LUZP2: variants seen among roughly 807,000 people sequenced by gnomAD.
The protein encoded by LUZP2 is leucine zipper protein 2.
A neutral mutation model predicts 51.6 loss-of-function variants in LUZP2; 52 were observed. The ratio of observed to expected loss-of-function variants is 1.01; its 90% CI spans 0.81 to 1.27. LUZP2 has a LOEUF of 1.27. Ranked by LOEUF, LUZP2 falls within the 50% of genes most tolerant of loss-of-function variation. LUZP2 has a pLI of 0.00. For synonymous variants in LUZP2, 154 were observed against 137.3 expected (o/e 1.12, Z -0.85); for missense variants, 436 against 395.4 (o/e 1.10, Z -0.87).
chr11:25,075,352 G>A (rs1215158634), intron 10 of LUZP2, among the ~76,000 whole-genome samples: 1 of 152,138 alleles, frequency 6.6e-6, no homozygotes, highest in Non-Finnish European at 1.5e-5. Context: ...AACCAATTGT[G>A]TATAAAATGT....
chr11:24,784,533 A>T (rs1354340407), intron 5 of LUZP2, among the ~76,000 whole-genome samples: 3 of 152,004 alleles, frequency 2.0e-5, no homozygotes. Context: ...TTCTTTTCAA[A>T]AACAAGATGT....
At chr11:24,928,265 G>T (rs1201167892) in intron 7 of LUZP2, among the ~76,000 whole-genome samples, 2 of 151,942 alleles carry the variant, frequency 1.3e-5, no homozygotes, top group African/African-American at 4.8e-5. Flanking sequence ...AGAACTTCCA[G>T]TACTATGTTC....
intron 7 of LUZP2, among the ~76,000 whole-genome samples, chr11:24,954,935 T>C: frequency 6.6e-6 from 1 of 151,984 alleles, no homozygotes; most frequent in East Asian, 1.9e-4. Flanking sequence ...AAGAATAGGG[T>C]ACCAAATAAT....
At chr11:24,592,870 G>T (rs1853308001) in intron 1 of LUZP2, among the ~76,000 whole-genome samples, 1 of 152,078 alleles carries the variant, frequency 6.6e-6, no homozygotes, top group Admixed American at 6.6e-5. Context: ...AAGAACAAAG[G>T]CCAGTCTTTA....
intron 1 of LUZP2, among the ~76,000 whole-genome samples, chr11:24,553,525 G>A (rs1481381002): frequency 6.6e-6 from 1 of 151,920 alleles, no homozygotes; most frequent in Admixed American, 6.6e-5. Context: ...GAATAGAAGG[G>A]TATATATATA....
chr11:24,681,044 C>T (rs1856719293), intron 1 of LUZP2, among the ~76,000 whole-genome samples: 1 of 149,740 alleles, frequency 6.7e-6, no homozygotes, highest in South Asian at 2.1e-4. Flanking sequence ...TGCAGTGGCG[C>T]AATCTCGGCT....
At chr11:24,737,499 A>C (rs1338441241) in intron 3 of LUZP2, among the ~76,000 whole-genome samples, 1 of 146,638 alleles carries the variant, frequency 6.8e-6, no homozygotes. Flanking sequence ...TGATAGCTCG[A>C]GTAAAAAAAA....
At position 24,909,678 on chromosome 11, in the gene LUZP2, T is replaced by C. The variant is rs150352959; in HGVS notation, c.459+3625T>C. Among the ~76,000 whole-genome samples the C allele has an allele frequency of 6.4e-3, 967 of 152,258 alleles. 11 individuals carry two copies. The highest frequency in any genetic ancestry group is 0.032 in the South Asian group (153 of 4,824). The stretch of plus-strand genomic sequence containing the variant: ...CAGCAGCACAAAATAATGATAACCA[T>C]GTAAAGCAGAATTATCTTAGAGGGC... On this transcript the variant is annotated intron_variant, in intron 6 of 11. Coordinates refer to ENST00000336930, the MANE Select transcript of LUZP2 (RefSeq NM_001009909.4).
chr11:25,004,559 A>C lies in LUZP2; in HGVS notation c.765+21266A>C, dbSNP rs533490283. 1.7e-3 allele frequency among the ~76,000 whole-genome samples: 252 copies of C among 152,284 alleles called. 1 individual carries two copies. The highest frequency in any genetic ancestry group is 3.0e-3 in the Non-Finnish European group (203 of 68,036). On this transcript the variant is annotated intron_variant, in intron 9 of 11. Coordinates refer to ENST00000336930, the MANE Select transcript of LUZP2 (RefSeq NM_001009909.4). ...ATATCCGCAGCTGATTGAGTAATAA[A>C]CTTATCTTTTAGAATCAATTGACCC...
intron 1 of LUZP2, among the ~76,000 whole-genome samples, chr11:24,617,702 T>C (rs1047453009): frequency 3.3e-5 from 5 of 152,022 alleles, no homozygotes; most frequent in Non-Finnish European, 7.4e-5. Context: ...GCACCTGTAG[T>C]CCCAGCTACT....
intron 1 of LUZP2, among the ~76,000 whole-genome samples, chr11:24,579,954 T>G (rs1288906837): frequency 1.3e-5 from 2 of 152,072 alleles, no homozygotes; most frequent in African/African-American, 4.8e-5. Context: ...TTCATGGAAT[T>G]TACCTTAGTG....
chr11:24,821,050 G>A (rs540116327), intron 5 of LUZP2, among the ~76,000 whole-genome samples: 123 of 152,162 alleles, frequency 8.1e-4, no homozygotes, highest in African/African-American at 2.8e-3. Context: ...TTTCAAGAGT[G>A]TTATTAGGAA....
At chr11:24,711,232 G>T (rs2029193) in intron 1 of LUZP2, among the ~76,000 whole-genome samples, 1 of 151,948 alleles carries the variant, frequency 6.6e-6, no homozygotes, top group Non-Finnish European at 1.5e-5. Context: ...GGCGGATCAC[G>T]AGGTCAGGAG....
intron 5 of LUZP2, among the ~76,000 whole-genome samples, chr11:24,813,321 C>T (rs1216601141): frequency 6.6e-6 from 1 of 152,162 alleles, no homozygotes; most frequent in East Asian, 1.9e-4. Context: ...CTGTAAAGAA[C>T]TACCTGAGAT....
At chr11:24,768,325 G>T (rs1860273644) in intron 5 of LUZP2, among the ~76,000 whole-genome samples, 2 of 152,078 alleles carry the variant, frequency 1.3e-5, no homozygotes, top group Admixed American at 1.3e-4. Context: ...GGCCAGGCTG[G>T]TCTTGAATTC....
At chr11:24,541,032 C>G (rs1851343938) in intron 1 of LUZP2, among the ~76,000 whole-genome samples, 1 of 151,978 alleles carries the variant, frequency 6.6e-6, no homozygotes, top group Non-Finnish European at 1.5e-5. Flanking sequence ...GCAGGTGGAT[C>G]ACCTGAGGCC....
chr11:24,868,314 G>T (rs1475766998), intron 5 of LUZP2, among the ~76,000 whole-genome samples: 1 of 148,064 alleles, frequency 6.8e-6, no homozygotes, highest in Non-Finnish European at 1.5e-5. Flanking sequence ...CACCTCATTA[G>T]TTCATTCCTG....
chr11:24,964,245 G>A lies in LUZP2; in HGVS notation c.523-12346G>A, dbSNP rs149963288. Among the ~76,000 whole-genome samples, 705 of 152,186 alleles carry A rather than the reference G, an allele frequency of 4.6e-3. 4 individuals are homozygous for A. Among genetic ancestry groups the A allele is most frequent in the African/African-American group, 0.016 (658 of 41,510 alleles). On this transcript the variant is annotated intron_variant, in intron 7 of 11. Transcript: ENST00000336930. ...ATTTAGATGTTAATTCATGGTAACT[G>A]GCACATTTACCTGCTACATGCTGGT...
chr11:24,635,773 T>A (rs953763589), intron 1 of LUZP2, among the ~76,000 whole-genome samples: 1 of 152,066 alleles, frequency 6.6e-6, no homozygotes, highest in South Asian at 2.1e-4. Flanking sequence ...GGGAGAACAT[T>A]TGAGGCCCAC....
Sources: gnomAD v4.1 joint callset for allele counts (sites outside exome capture counted in the v4.1 genomes callset) on GRCh38, gnomAD v4.1.1 for gene constraint, MANE v1.5 for transcripts, NCBI Gene and HGNC (gene_info 2026-07-23, HGNC 2026-07-21) for gene names.